The following LAMC1 variants were observed in gnomAD, a reference collection of about 807,000 sequenced individuals.
LAMC1 encodes the protein laminin subunit gamma 1, also known as laminin subunit gamma-1.
In LAMC1, 38 loss-of-function variants were observed where a neutral mutation model predicts 173.6. The ratio of observed to expected loss-of-function variants is 0.22; its 90% CI spans 0.17 to 0.29. The LOEUF (loss-of-function observed/expected upper bound fraction) is 0.29. Among genes scored for constraint, LAMC1 ranks in the 10% least tolerant of loss-of-function variants. LAMC1 has a pLI of 1.00. For synonymous variants in LAMC1, 746 were observed against 749.1 expected (o/e 1.00, Z 0.07); for missense variants, 1,824 against 2,051.8 (o/e 0.89, Z 2.14).
Position 183,117,716 on chromosome 1 carries a change from G to C in LAMC1, c.1870G>C (p.Val624Leu). Residue 624 changes from valine to leucine, a missense_variant, in exon 10 of 28, where the codon GTC (valine) becomes CTC (leucine). Val to Leu is a conservative substitution (Grantham distance 32, BLOSUM62 1). Coordinates refer to ENST00000258341, the MANE Select transcript of LAMC1 (RefSeq NM_002293.4). ...SYPSETTVKY[V>L]FRLHEATDYP... ...TCCAAGTGAGACCACTGTGAAGTAT[G>C]TCTTCAGGTAAGATAGCCTTCTTTG... 1 of 1,613,152 alleles carries C rather than the reference G, an allele frequency of 6.2e-7. No homozygotes were observed. The highest frequency in any genetic ancestry group is 8.5e-7 in the Non-Finnish European group (1 of 1,179,298).
intron 1 of LAMC1, among the ~76,000 whole-genome samples, chr1:183,025,591 GC>G (rs1367145071): frequency 6.6e-6 from 1 of 152,130 alleles, no homozygotes; most frequent in African/African-American, 2.4e-5. Context: ...CTGTGAGATT[GC>G]TCTTTATTTT....
intron 1 of LAMC1, among the ~76,000 whole-genome samples, chr1:183,077,573 A>G (rs962550034): frequency 5.3e-5 from 8 of 151,518 alleles, no homozygotes; most frequent in African/African-American, 1.9e-4. Flanking sequence ...CTTCCCATCA[A>G]GTCCTCAAAG....
At chr1:183,107,558 T>C (rs541113793) in intron 2 of LAMC1, among the ~76,000 whole-genome samples, 23 of 152,172 alleles carry the variant, frequency 1.5e-4, no homozygotes, top group South Asian at 4.1e-4. Flanking sequence ...TGGCCAGGCG[T>C]GGTGGCTCAC....
In LAMC1 at chr1:183,115,594, C is replaced by G; in HGVS notation, c.1285C>G (p.Arg429Gly). 1 of 1,613,996 alleles carries G rather than the reference C, an allele frequency of 6.2e-7. No individual in the cohort carries two copies. The highest frequency in any genetic ancestry group is 8.5e-7 in the Non-Finnish European group (1 of 1,179,906). ...AGGAGTGATGGGGGACAAATGTGAC[C>G]GTTGCCAGCCTGGATTCCATTCTCT... Reference protein sequence around the residue: ...KPGVMGDKCDRCQPGFHSLTE... With the variant: ...KPGVMGDKCDGCQPGFHSLTE... Residue 429 changes from arginine (R) to glycine (G), a missense_variant, in exon 6 of 28, where the codon CGT becomes GGT. Coordinates refer to ENST00000258341, the MANE Select transcript of LAMC1 (RefSeq NM_002293.4).
At chr1:183,138,081 T>G (rs1656998604) in intron 26 of LAMC1, 1 of 341,622 alleles carries the variant, frequency 2.9e-6, no homozygotes, top group African/African-American at 2.2e-5. Flanking sequence ...CGTTTGAGGT[T>G]TTAGGACATT....
chr1:183,045,813 A>G (rs1042442961), intron 1 of LAMC1, among the ~76,000 whole-genome samples: 1 of 152,066 alleles, frequency 6.6e-6, no homozygotes, highest in African/African-American at 2.4e-5. Flanking sequence ...CACATTGGGT[A>G]TTGTGAGAAT....
Position 183,103,406 on chromosome 1 carries a change from C to T in LAMC1, c.497C>T (p.Thr166Ile). ...GAGAGCTTTGCCATTTACAAGCGCACACGGGAAGACGGGCCCTGGATTCCT... is the reference window on the plus strand; with the variant it reads ...GAGAGCTTTGCCATTTACAAGCGCATACGGGAAGACGGGCCCTGGATTCCT... ...RPESFAIYKR[T>I]REDGPWIPYQ... Residue 166 changes from threonine (T) to isoleucine (I), a missense_variant, in exon 2 of 28, where the codon ACA becomes ATA. Transcript: ENST00000258341. 6.2e-7 allele frequency: 1 copy of T among 1,614,154 alleles called. No homozygotes were observed. The highest frequency in any genetic ancestry group is 1.6e-4 in the Middle Eastern group (1 of 6,062).
chr1:183,141,834 A>C (rs1202026498), intron 27 of LAMC1, among the ~76,000 whole-genome samples: 1 of 152,234 alleles, frequency 6.6e-6, no homozygotes, highest in African/African-American at 2.4e-5. Context: ...CAAATTATTT[A>C]ACATCTGAGA....
At chr1:183,104,079 A>G (rs1169520162) in intron 2 of LAMC1, among the ~76,000 whole-genome samples, 2 of 152,218 alleles carry the variant, frequency 1.3e-5, no homozygotes, top group Admixed American at 6.5e-5. Context: ...TTGAAGCAAG[A>G]TATTTAAGAA....
intron 26 of LAMC1, 178 bp downstream of exon 26, chr1:183,138,005 G>C (rs1478594506): frequency 1.7e-6 from 1 of 603,362 alleles, no homozygotes; most frequent in East Asian, 3.5e-5. Context: ...TCTTCTGCCA[G>C]GTAATTTTGT....
At chr1:183,119,342 T>G (rs948009334) in intron 11 of LAMC1, among the ~76,000 whole-genome samples, 1 of 152,180 alleles carries the variant, frequency 6.6e-6, no homozygotes, top group African/African-American at 2.4e-5. Context: ...AATGCCTGCA[T>G]GAATATCCAG....
chr1:183,060,411 A>G (rs1228952092), intron 1 of LAMC1, among the ~76,000 whole-genome samples: 4 of 151,062 alleles, frequency 2.6e-5, no homozygotes, highest in Admixed American at 1.3e-4. Context: ...AAAAAAAAGC[A>G]ATTACCCCTT....
At chr1:183,090,239 A>G (rs935911118) in intron 1 of LAMC1, among the ~76,000 whole-genome samples, 7 of 149,580 alleles carry the variant, frequency 4.7e-5, no homozygotes, top group African/African-American at 1.7e-4. Context: ...CAGTCATTAG[A>G]AAAAAAAAAG....
At chr1:183,076,497 C>G (rs1446077502) in intron 1 of LAMC1, among the ~76,000 whole-genome samples, 1 of 152,186 alleles carries the variant, frequency 6.6e-6, no homozygotes, top group African/African-American at 2.4e-5. Flanking sequence ...GTTTGTTCAT[C>G]CTTCTTTACC....
chr1:183,024,466 T>C (rs1209449464), intron 1 of LAMC1, among the ~76,000 whole-genome samples: 2 of 152,132 alleles, frequency 1.3e-5, no homozygotes, highest in East Asian at 3.8e-4. Context: ...GAAACTCCCA[T>C]CCCCACTTTT....
intron 1 of LAMC1, among the ~76,000 whole-genome samples, chr1:183,034,915 A>G (rs934527464): frequency 2.0e-5 from 3 of 152,180 alleles, no homozygotes; most frequent in Non-Finnish European, 2.9e-5. Flanking sequence ...CCCGGGGAAG[A>G]ATAATATGAC....
intron 1 of LAMC1, among the ~76,000 whole-genome samples, chr1:183,027,254 T>C (rs1222432621): frequency 6.7e-6 from 1 of 149,672 alleles, no homozygotes; most frequent in East Asian, 2.0e-4. Context: ...AATTGCACTT[T>C]CTGCTTGTTG....
At chr1:183,118,622 C>T (rs192824668) in intron 11 of LAMC1, among the ~76,000 whole-genome samples, 1 of 151,728 alleles carries the variant, frequency 6.6e-6, no homozygotes, top group African/African-American at 2.4e-5. Flanking sequence ...ACTTGGGTGG[C>T]TGAGGGATGA....
At chr1:183,074,526 G>A (rs932862200) in intron 1 of LAMC1, among the ~76,000 whole-genome samples, 2 of 152,184 alleles carry the variant, frequency 1.3e-5, no homozygotes, top group Admixed American at 6.5e-5. Flanking sequence ...AAAGGCTGCA[G>A]TCTGTAAGGA....
Sources: gnomAD v4.1 joint callset for allele counts (sites outside exome capture counted in the v4.1 genomes callset) on GRCh38, gnomAD v4.1.1 for gene constraint, MANE v1.5 for transcripts, NCBI Gene and HGNC (gene_info 2026-07-23, HGNC 2026-07-21) for gene names.